The following KRT23 variants were observed in gnomAD, a reference collection of about 807,000 sequenced individuals.
KRT23 encodes the protein keratin, type I cytoskeletal 23.
KRT23 carries 38 observed loss-of-function variants against 47.6 expected under a neutral mutation model. The observed-to-expected ratio is 0.80, with a 90% CI of 0.62 to 1.05. The LOEUF (loss-of-function observed/expected upper bound fraction) is 1.05, where lower values mean the gene tolerates loss of function less well. Among genes scored for constraint, KRT23 ranks in the 50% least tolerant of loss-of-function variants. The pLI is 0.00. For synonymous variants in KRT23, 191 were observed against 199.0 expected, an observed-to-expected ratio of 0.96 and a Z score of 0.34; for missense variants, 503 against 529.5, an observed-to-expected ratio of 0.95 and a Z score of 0.49.
intron 2 of KRT23, among the ~76,000 whole-genome samples, chr17:40,933,717 C>T (rs2143514139): frequency 6.6e-6 from 1 of 152,320 alleles, no homozygotes; most frequent in East Asian, 1.9e-4. Context: ...TCCCATTATT[C>T]AGGCTTACTT....
chr17:40,935,063 G>A (rs1007128574), intron 2 of KRT23, among the ~76,000 whole-genome samples: 5 of 148,408 alleles, frequency 3.4e-5, no homozygotes, highest in Non-Finnish European at 5.9e-5. Flanking sequence ...TACAACCAAA[G>A]CAACTTTATT....
At chr17:40,925,676 G>T in intron 6 of KRT23, 102 bp from the exon 7 acceptor site, 2 of 856,310 alleles carry the variant, frequency 2.3e-6, no homozygotes, top group Non-Finnish European at 3.7e-6. Context: ...TTGGCTAGGT[G>T]TCTTGGTAGC....
intron 3 of KRT23, among the ~76,000 whole-genome samples, chr17:40,930,928 T>C (rs1456708966): frequency 6.6e-6 from 1 of 152,054 alleles, no homozygotes; most frequent in African/African-American, 2.4e-5. Flanking sequence ...CTAAGGTTCA[T>C]TCAAGTAACA....
chr17:40,934,807 T>C (rs1909932512), intron 2 of KRT23, among the ~76,000 whole-genome samples: 1 of 152,212 alleles, frequency 6.6e-6, no homozygotes, highest in African/African-American at 2.4e-5. Context: ...AATAAAATAA[T>C]ATGGAACATT....
chr17:40,930,311 A>G (rs926896403), intron 3 of KRT23, among the ~76,000 whole-genome samples: 4 of 152,226 alleles, frequency 2.6e-5, no homozygotes, highest in African/African-American at 9.7e-5. Context: ...AGAATAGGAT[A>G]ATAAACAGTC....
rs1172845583 is a variant in KRT23, at chr17:40,922,992, T to C, written c.1266A>G (p.Ala422=). 4 of 1,611,602 alleles carry C rather than the reference T, an allele frequency of 2.5e-6. No individual in the cohort carries two copies. The East Asian group carries it at 6.7e-5, about 27-fold the overall frequency. ...CAGGCGGAAACTTTCATTGGTCTCA[T>C]GCGTGCTTTTGGATTTCATTCACTT... ...LCQVNEIQKH[A] is the part of the protein sequence containing the mutation. Residue 422 remains alanine (A), a synonymous_variant, in exon 9 of 9, where the codon GCA becomes GCG. Transcript: ENST00000209718.
chr17:40,932,628 G>C (rs2143504777), intron 2 of KRT23, among the ~76,000 whole-genome samples: 1 of 152,306 alleles, frequency 6.6e-6, no homozygotes, highest in East Asian at 1.9e-4. Flanking sequence ...AGAGGTCTTA[G>C]CTCTAAGTTT....
intron 6 of KRT23, among the ~76,000 whole-genome samples, chr17:40,927,648 G>C (rs1909314048): frequency 6.6e-6 from 1 of 152,166 alleles, no homozygotes; most frequent in South Asian, 2.1e-4. Flanking sequence ...TTTCTAAACT[G>C]TGAAGATGAT....
intron 6 of KRT23, among the ~76,000 whole-genome samples, chr17:40,926,343 G>A (rs899439467): frequency 6.6e-6 from 1 of 152,172 alleles, no homozygotes; most frequent in Non-Finnish European, 1.5e-5. Flanking sequence ...GGCCGTTCAT[G>A]CTGCCTGGCG....
chr17:40,930,772 CAAAT>C (rs144851372), intron 3 of KRT23, among the ~76,000 whole-genome samples: 88,663 of 148,748 alleles, frequency 0.6, 26,840 homozygotes, highest in South Asian at 0.72. Flanking sequence ...CAAAAATAAA[CAAAT>C]AAATAAATAA....
chr17:40,936,894 G>T lies in KRT23; in HGVS notation c.-291C>A, dbSNP rs556895626. The T allele has an allele frequency of 2.7e-6, 1 of 368,044 alleles. No individual in the cohort carries two copies. Among genetic ancestry groups the T allele is most frequent in the Non-Finnish European group, 4.8e-6 (1 of 207,064 alleles). The allele number at this position is 368,044 out of a possible 1,614,324, so 22.8% of individuals were successfully genotyped here. On this transcript the variant is annotated 5_prime_UTR_variant, in exon 2 of 9. Transcript: ENST00000209718. The stretch of plus-strand genomic sequence containing the variant: ...GGAGGTGTGGCCCACGACATCAGGC[G>T]GGTATTGGGCTCAGGTATCTTTCTA...
At chr17:40,934,265 C>A (rs1373821906) in intron 2 of KRT23, among the ~76,000 whole-genome samples, 1 of 152,124 alleles carries the variant, frequency 6.6e-6, no homozygotes, top group Non-Finnish European at 1.5e-5. Context: ...GATAGACAAC[C>A]TCAACTTTAA....
intron 3 of KRT23, among the ~76,000 whole-genome samples, 161 bp downstream of exon 3, chr17:40,931,212 A>T (rs1377991950): frequency 6.6e-6 from 1 of 151,980 alleles, no homozygotes. Flanking sequence ...GGGTTTCACC[A>T]TGTTGGCCAG....
Position 40,931,412 on chromosome 17 carries a change from A to T in KRT23, c.440T>A (p.Ile147Asn), listed in dbSNP as rs746831962. 1 of 1,613,874 alleles carries T rather than the reference A, an allele frequency of 6.2e-7. No homozygotes were observed. Among genetic ancestry groups the T allele is most frequent in the East Asian group, 2.2e-5 (1 of 44,882 alleles). The change falls in exon 3 of 9, where the codon ATT (isoleucine) becomes AAT (asparagine). Residue 147 changes from isoleucine to asparagine, a missense_variant. Physicochemically the swap from Ile to Asn is moderately radical, Grantham distance 149 (BLOSUM62 -3). Transcript: ENST00000209718. ...ATCCACTGCCATCCTGGCATTGTCA[A>T]TGAGAAGAATAATCTGAGCATTGGT... ...KMTNAQIILL[I>N]DNARMAVDDF...
chr17:40,932,269 G>A (rs527708183), intron 2 of KRT23, among the ~76,000 whole-genome samples: 2 of 152,084 alleles, frequency 1.3e-5, no homozygotes, highest in African/African-American at 4.8e-5. Context: ...CTAGATGTTC[G>A]TATAATTTTT....
chr17:40,930,128 A>G (rs1909551445), intron 3 of KRT23, 32 bp from the exon 4 acceptor site: 2 of 1,593,942 alleles, frequency 1.3e-6, no homozygotes, highest in East Asian at 4.5e-5. Context: ...GAGTGCACTC[A>G]TTGTTGGAAG....
chr17:40,934,062 G>T (rs1909878788), intron 2 of KRT23, among the ~76,000 whole-genome samples: 1 of 152,150 alleles, frequency 6.6e-6, no homozygotes, highest in Admixed American at 6.5e-5. Context: ...GATTTCAAAA[G>T]GATTGAATTA....
At chr17:40,935,864 A>T (rs1337463228) in intron 2 of KRT23, among the ~76,000 whole-genome samples, 1 of 152,266 alleles carries the variant, frequency 6.6e-6, no homozygotes, top group Non-Finnish European at 1.5e-5. Flanking sequence ...TCGTTGGGTC[A>T]TAAGTGACAT....
intron 6 of KRT23, among the ~76,000 whole-genome samples, chr17:40,927,986 CTATCTGGGAAGGT>C (rs1178333614): frequency 6.6e-6 from 1 of 152,140 alleles, no homozygotes; most frequent in African/African-American, 2.4e-5. Context: ...ACACTAAGAC[CTATCTGGGAAGGT>C]TACTGTAAGG....
Sources: gnomAD v4.1 joint callset for allele counts (sites outside exome capture counted in the v4.1 genomes callset) on GRCh38, gnomAD v4.1.1 for gene constraint, MANE v1.5 for transcripts, NCBI Gene and HGNC (gene_info 2026-07-23, HGNC 2026-07-21) for gene names.